Variants in CCDC171 observed in about 807,000 individuals in gnomAD.
The protein encoded by CCDC171 is coiled-coil domain containing 171.
In CCDC171, 177 loss-of-function variants were observed where a neutral mutation model predicts 168.2. That is an observed-to-expected ratio of 1.05 (90% CI 0.93 to 1.19). The LOEUF (loss-of-function observed/expected upper bound fraction) is 1.19. Ranked by LOEUF, CCDC171 falls within the 50% of genes most tolerant of loss-of-function variation. CCDC171 has a pLI of 0.00. For missense variants in CCDC171, 1,991 were observed against 1,539.0 expected (o/e 1.29, Z -4.91); for synonymous variants, 687 against 540.8 (o/e 1.27, Z -3.75).
chr9:15,898,636 G>T (rs1398804650), intron 24 of CCDC171, among the ~76,000 whole-genome samples: 1 of 152,098 alleles, frequency 6.6e-6, no homozygotes, highest in Non-Finnish European at 1.5e-5. Context: ...ATATAGACAT[G>T]TCTATAAATT....
chr9:15,601,039 T>C (rs1163754608), intron 6 of CCDC171, among the ~76,000 whole-genome samples: 2 of 152,204 alleles, frequency 1.3e-5, no homozygotes, highest in African/African-American at 4.8e-5. Context: ...CTGTCACCCC[T>C]TTCCTTGGCT....
intron 21 of CCDC171, among the ~76,000 whole-genome samples, chr9:15,822,058 A>G (rs1038089909): frequency 6.6e-6 from 1 of 152,206 alleles, no homozygotes; most frequent in Non-Finnish European, 1.5e-5. Flanking sequence ...TCTTTGACAA[A>G]CCTGAGAAAA....
intron 6 of CCDC171, among the ~76,000 whole-genome samples, chr9:16,033,586 G>T (rs1833405998): frequency 6.6e-6 from 1 of 152,170 alleles, no homozygotes; most frequent in African/African-American, 2.4e-5. Flanking sequence ...ACATTATGGT[G>T]AGTTGTATAA....
At chr9:15,890,922 A>C (rs1278315740) in intron 24 of CCDC171, among the ~76,000 whole-genome samples, 2 of 152,146 alleles carry the variant, frequency 1.3e-5, no homozygotes, top group African/African-American at 4.8e-5. Flanking sequence ...ATTATATCAG[A>C]ATCAGAGTGG....
chr9:15,774,996 G>A (rs2057234750), intron 18 of CCDC171, among the ~76,000 whole-genome samples: 1 of 152,146 alleles, frequency 6.6e-6, no homozygotes, highest in African/African-American at 2.4e-5. Flanking sequence ...TACACATTGG[G>A]TGCAGTGTAC....
chr9:15,984,605 AC>A (rs1442902638), intron 3 of CCDC171, among the ~76,000 whole-genome samples: 1 of 152,178 alleles, frequency 6.6e-6, no homozygotes, highest in Non-Finnish European at 1.5e-5. Context: ...TATTTTAAAT[AC>A]ATTAGTAAAT....
chr9:15,753,512 A>G (rs1444912434), intron 18 of CCDC171, among the ~76,000 whole-genome samples: 3 of 152,156 alleles, frequency 2.0e-5, no homozygotes, highest in East Asian at 3.8e-4. Flanking sequence ...CTAGGCAGTA[A>G]TTTCCTCTGA....
intron 18 of CCDC171, among the ~76,000 whole-genome samples, chr9:15,764,665 CAAG>C (rs1331998938): frequency 6.6e-6 from 1 of 152,084 alleles, no homozygotes. Flanking sequence ...TCGTAAGTGT[CAAG>C]GAGGTGGCTG....
intron 25 of CCDC171, among the ~76,000 whole-genome samples, chr9:15,950,240 C>T (rs1271621191): frequency 7.6e-6 from 1 of 132,140 alleles, no homozygotes; most frequent in Non-Finnish European, 1.7e-5. Flanking sequence ...TCTAGCAAGG[C>T]AGGCCAACAT....
At chr9:15,859,605 G>T (rs1081244) in intron 23 of CCDC171, among the ~76,000 whole-genome samples, 126,811 of 147,416 alleles carry the variant, frequency 0.86, 54,604 homozygotes, top group East Asian at 0.98. Context: ...CTCTCTTTCT[G>T]CCTTTCCCCC....
At chr9:16,009,817 T>A in intron 3 of CCDC171, among the ~76,000 whole-genome samples, 1 of 152,218 alleles carries the variant, frequency 6.6e-6, no homozygotes, top group East Asian at 1.9e-4. Context: ...ATATTTTATT[T>A]GAGCTGCTAT....
chr9:15,863,786 G>A (rs751592747), intron 23 of CCDC171, among the ~76,000 whole-genome samples: 20 of 151,562 alleles, frequency 1.3e-4, no homozygotes, highest in Middle Eastern at 3.2e-3. Context: ...TTCTTTTTTC[G>A]TGGCATACAC....
intron 7 of CCDC171, 46 bp downstream of exon 7, chr9:15,623,459 A>AAAGATC: frequency 1.3e-6 from 1 of 784,942 alleles, no homozygotes; most frequent in Non-Finnish European, 1.9e-6. Context: ...ACAAACTTTC[A>AAAGATC]CATATGCGCG....
intron 25 of CCDC171, among the ~76,000 whole-genome samples, chr9:15,938,581 A>G (rs1010750893): frequency 2.0e-5 from 3 of 151,874 alleles, no homozygotes; most frequent in Admixed American, 1.3e-4. Context: ...TTGAAAGTGT[A>G]CATCCTTCCA....
Position 15,558,439 on chromosome 9 carries a change from A to G in CCDC171, c.-112+5137A>G, listed in dbSNP as rs576992513. On this transcript the variant is annotated intron_variant, in intron 1 of 25. Transcript: ENST00000380701. ...TGTTATTGGTCTTTTCAGGGATTCA[A>G]CTTCTTCCTGGTTTAGTCTTGGGTG... is the stretch of plus-strand genomic sequence containing the variant. Among the ~76,000 whole-genome samples, 6 of 152,266 alleles carry G rather than the reference A, an allele frequency of 3.9e-5. 1 individual carries two copies. Among genetic ancestry groups the G allele is most frequent in the Non-Finnish European group, 8.8e-5 (6 of 68,004 alleles).
chr9:15,899,206 T>C (rs1821312941), intron 24 of CCDC171, among the ~76,000 whole-genome samples: 1 of 151,894 alleles, frequency 6.6e-6, no homozygotes, highest in African/African-American at 2.4e-5. Flanking sequence ...TTTCGTGGTA[T>C]GGATGTATCA....
chr9:15,799,289 A>G (rs1316807256), intron 21 of CCDC171, among the ~76,000 whole-genome samples: 5 of 150,984 alleles, frequency 3.3e-5, no homozygotes, highest in Admixed American at 1.3e-4. Flanking sequence ...AAAGGTGTTC[A>G]GTATAGATGT....
chr9:15,799,814 A>G (rs943484792), intron 21 of CCDC171, among the ~76,000 whole-genome samples: 6 of 151,872 alleles, frequency 4.0e-5, no homozygotes, highest in Non-Finnish European at 7.4e-5. Flanking sequence ...TCTACTGTCT[A>G]TCTCCATGAG....
intron 7 of CCDC171, among the ~76,000 whole-genome samples, chr9:15,649,013 G>A (rs533383060): frequency 2.6e-5 from 4 of 152,320 alleles, no homozygotes; most frequent in South Asian, 4.1e-4. Flanking sequence ...CAAGGCTACA[G>A]TAACCAAAAC....
Sources: gnomAD v4.1 joint callset for allele counts (sites outside exome capture counted in the v4.1 genomes callset) on GRCh38, gnomAD v4.1.1 for gene constraint, MANE v1.5 for transcripts, NCBI Gene and HGNC (gene_info 2026-07-23, HGNC 2026-07-21) for gene names.